Variants in BTAF1 observed in about 807,000 individuals in gnomAD.
BTAF1 encodes the protein TATA-binding protein-associated factor 172.
In BTAF1, 38 loss-of-function variants were observed where a neutral mutation model predicts 227.1. The ratio of observed to expected loss-of-function variants is 0.17; its 90% CI spans 0.13 to 0.22. The LOEUF (loss-of-function observed/expected upper bound fraction) is 0.22, where lower values mean the gene tolerates loss of function less well. BTAF1 is among the 10% of genes least tolerant of loss of function. BTAF1 has a pLI of 1.00. For synonymous variants in BTAF1, 742 were observed against 751.9 expected (o/e 0.99, Z 0.21); for missense variants, 1,598 against 2,204.0 (o/e 0.73, Z 5.51).
chr10:91,986,845 C>CT (rs956965107), intron 19 of BTAF1, among the ~76,000 whole-genome samples: 42 of 148,358 alleles, frequency 2.8e-4, no homozygotes, highest in Admixed American at 8.1e-4. Context: ...GACTTTTTTT[C>CT]TTTTTTTTTT....
chr10:91,951,648 G>T (rs1845770218), intron 5 of BTAF1, 82 bp downstream of exon 5: 3 of 1,412,354 alleles, frequency 2.1e-6, no homozygotes, highest in Non-Finnish European at 2.8e-6. Flanking sequence ...TATAGTTTAA[G>T]AAAATGTTAT....
intron 32 of BTAF1, 123 bp downstream of exon 32, chr10:92,014,152 A>C (rs997755976): frequency 9.8e-6 from 10 of 1,017,534 alleles, no homozygotes; most frequent in Non-Finnish European, 1.4e-5. Flanking sequence ...GATAAAGCCT[A>C]AATGATGTGG....
At chr10:92,001,983 T>C (rs199563422) in intron 25 of BTAF1, among the ~76,000 whole-genome samples, 14,441 of 88,688 alleles carry the variant, frequency 0.16, 1,138 homozygotes, top group East Asian at 0.26. Context: ...TATATATATA[T>C]ATACACACAC....
At chr10:91,944,076 G>A (rs1272652303) in intron 4 of BTAF1, among the ~76,000 whole-genome samples, 4 of 151,990 alleles carry the variant, frequency 2.6e-5, no homozygotes, top group Admixed American at 6.6e-5. Flanking sequence ...GCTTGAACCC[G>A]GGAGGCGGAG....
intron 34 of BTAF1, among the ~76,000 whole-genome samples, chr10:92,021,651 C>G (rs1352366997): frequency 6.6e-6 from 1 of 151,862 alleles, no homozygotes; most frequent in East Asian, 1.9e-4. Context: ...ACGCCATTCT[C>G]TTGCCTCAGC....
chr10:91,931,482 C>T (rs1844272948), intron 1 of BTAF1, among the ~76,000 whole-genome samples: 1 of 152,188 alleles, frequency 6.6e-6, no homozygotes, highest in Admixed American at 6.5e-5. Context: ...TTCCTGCTAG[C>T]TGTGTGCAAC....
chr10:91,928,760 TCCCCCCC>T (rs60208547), intron 1 of BTAF1, among the ~76,000 whole-genome samples: 1 of 111,812 alleles, frequency 8.9e-6, no homozygotes, highest in African/African-American at 4.4e-5. Context: ...CAAGAATCCA[TCCCCCCC>T]CCCCCCGCCC....
intron 14 of BTAF1, among the ~76,000 whole-genome samples, chr10:91,979,687 T>G (rs2133975898): frequency 6.6e-6 from 1 of 152,308 alleles, no homozygotes; most frequent in Middle Eastern, 3.4e-3. Context: ...TTGTAATTGT[T>G]TGAATAGCAA....
At position 91,994,437 on chromosome 10, in the gene BTAF1, G is replaced by C. The variant is rs1033649669; in HGVS notation, c.3200-98G>C. The C allele has an allele frequency of 5.4e-6, 4 of 738,264 alleles. No homozygotes were observed. The Admixed American group carries it at 1.2e-4, about 21-fold the overall frequency. 45.7% of individuals were successfully genotyped at this position (738,264 alleles called of 1,614,324 possible). Reference sequence around the variant, plus strand: ...AATTTTAACACTAAGAAGCAAAATTGACTCTCCTATGCTAGCTGAAAAAGT... The same window carrying C: ...AATTTTAACACTAAGAAGCAAAATTCACTCTCCTATGCTAGCTGAAAAAGT... On this transcript the variant is annotated intron_variant, in intron 22 of 37. Coordinates refer to ENST00000265990, the MANE Select transcript of BTAF1 (RefSeq NM_003972.3).
rs1301066556 is a variant in BTAF1, at chr10:91,982,315, C to G, written c.2048+90C>G. The G allele has an allele frequency of 1.8e-5, 27 of 1,531,746 alleles. No individual in the cohort carries two copies. The East Asian group carries it at 3.6e-4, about 20-fold the overall frequency. The allele number at this position is 1,531,746 out of a possible 1,614,324, so 94.9% of individuals were successfully genotyped here. A position where few individuals can be genotyped will look rare whatever the true frequency, so the allele number is the denominator to read the frequency against. On this transcript the variant is annotated intron_variant, in intron 17 of 37. Transcript: ENST00000265990. The stretch of plus-strand genomic sequence containing the variant: ...CCAACAGAAGATTCCTCTGCTGTCT[C>G]CATCAGTCCTTCCTTCCTTCATCAC...
intron 8 of BTAF1, among the ~76,000 whole-genome samples, chr10:91,957,610 G>A (rs1168287332): frequency 6.6e-6 from 1 of 152,138 alleles, no homozygotes; most frequent in Non-Finnish European, 1.5e-5. Flanking sequence ...TTGATCAAGA[G>A]CAGTAGTTTC....
Position 91,960,133 on chromosome 10 carries a change from A to G in BTAF1, c.1242A>G (p.Lys414=). Residue 414 remains lysine (K), a synonymous_variant, in exon 11 of 38, where the codon AAA becomes AAG. Transcript: ENST00000265990. ...EVRHGGLLGI[K]YALAVRQDVI... is the part of the protein sequence containing the mutation. ...GACATGGTGGTCTGCTGGGAATAAA[A>G]TATGCTTTGGCAGTCCGTCAGGTAA... The G allele has an allele frequency of 6.2e-7, 1 of 1,613,272 alleles. No individual in the cohort carries two copies. Among genetic ancestry groups the G allele is most frequent in the South Asian group, 1.1e-5 (1 of 90,848 alleles).
At chr10:91,932,548 A>G (rs1478201643) in intron 1 of BTAF1, among the ~76,000 whole-genome samples, 2 of 152,230 alleles carry the variant, frequency 1.3e-5, no homozygotes, top group African/African-American at 4.8e-5. Flanking sequence ...ATACTGTGCA[A>G]AGTGTTGTGC....
chr10:92,011,220 A>C, intron 29 of BTAF1, 66 bp from the exon 30 acceptor site: 1 of 1,516,896 alleles, frequency 6.6e-7, no homozygotes, highest in Non-Finnish European at 8.9e-7. Context: ...TCCCACTTTA[A>C]AGATTCTTCA....
intron 6 of BTAF1, among the ~76,000 whole-genome samples, chr10:91,954,559 T>G (rs1397179328): frequency 6.6e-6 from 1 of 152,028 alleles, no homozygotes; most frequent in Non-Finnish European, 1.5e-5. Context: ...TGCTGTTTTT[T>G]TTTTGTTTGT....
At chr10:91,997,471 G>C (rs1018954924) in intron 24 of BTAF1, 132 bp from the exon 25 acceptor site, 3 of 741,776 alleles carry the variant, frequency 4.0e-6, no homozygotes, top group African/African-American at 1.8e-5. Context: ...AGGCCTGGAG[G>C]GTCAGTCTTT....
rs1300793731 is a variant in BTAF1 at position 92,031,287 on chromosome 10, T to C, written c.*2354T>C. On this transcript the variant is annotated 3_prime_UTR_variant, in exon 38 of 38. Transcript: ENST00000265990. ...TCATATATATGCTTATTGTATATGC[T>C]TATTTATTCTACAAACATTTCTCCA... Among the ~76,000 whole-genome samples, 2 of 152,214 alleles carry C rather than the reference T, an allele frequency of 1.3e-5. No individual in the cohort carries two copies. The highest frequency in any genetic ancestry group is 2.9e-5 in the Non-Finnish European group (2 of 68,034).
At chr10:91,952,932 A>G (rs905033068) in intron 5 of BTAF1, among the ~76,000 whole-genome samples, 2 of 152,244 alleles carry the variant, frequency 1.3e-5, no homozygotes, top group Non-Finnish European at 2.9e-5. Context: ...AGTGGGCTAT[A>G]CAGATCAGAT....
chr10:91,950,653 T>A (rs1845710591), intron 4 of BTAF1, among the ~76,000 whole-genome samples: 1 of 152,144 alleles, frequency 6.6e-6, no homozygotes, highest in Non-Finnish European at 1.5e-5. Context: ...CTTTATTATT[T>A]GGGATATTAG....
Sources: allele counts gnomAD v4.1 joint callset (sites outside exome capture counted in the v4.1 genomes callset), GRCh38; gene constraint gnomAD v4.1.1; transcripts MANE v1.5; gene names NCBI Gene and HGNC (gene_info 2026-07-23, HGNC 2026-07-21).